The following PRR16 variants were observed in gnomAD, a reference collection of about 807,000 sequenced individuals.
PRR16 encodes proline rich 16, also known as protein Largen.
In PRR16, 6 loss-of-function variants were observed where a neutral mutation model predicts 18.2. The observed-to-expected ratio is 0.33, with a 90% CI of 0.18 to 0.65. PRR16 has a LOEUF of 0.65. PRR16 is among the 30% of genes least tolerant of loss of function. PRR16 has a pLI of 0.74. For synonymous variants in PRR16, 151 were observed against 147.8 expected (o/e 1.02, Z -0.16); for missense variants, 412 against 376.6 (o/e 1.09, Z -0.78).
At chr5:120,777,512 C>T in the PRR16 span, among the ~76,000 whole-genome samples, 6 of 152,054 alleles carry the variant, frequency 3.9e-5, no homozygotes, top group Admixed American at 3.9e-4. Flanking sequence ...TTCCTTTTTG[C>T]TCACTTTTCC....
At chr5:120,548,922 A>AAAACATTGAGACT (rs1752161150) in intron 1 of PRR16, among the ~76,000 whole-genome samples, 2 of 151,894 alleles carry the variant, frequency 1.3e-5, no homozygotes, top group Admixed American at 6.6e-5. Context: ...ACATTGAGAC[A>AAAACATTGAGACT]TGCTGAAAAT....
the PRR16 span, among the ~76,000 whole-genome samples, chr5:120,763,319 T>C: frequency 1.3e-5 from 2 of 152,156 alleles, no homozygotes; most frequent in South Asian, 2.1e-4. Context: ...CTCTTTTTTT[T>C]GTATTTTTAG....
the PRR16 span, among the ~76,000 whole-genome samples, chr5:120,785,549 ATG>A: frequency 1.5e-5 from 2 of 135,050 alleles, no homozygotes; most frequent in East Asian, 2.1e-4. Context: ...GTCTCTGTGT[ATG>A]TGTGTGTGTG....
intron 1 of PRR16, among the ~76,000 whole-genome samples, chr5:120,497,092 A>C (rs1211163906): frequency 6.6e-6 from 1 of 152,176 alleles, no homozygotes. Flanking sequence ...CAATTCTAAT[A>C]AAGTAGCTGA....
At chr5:120,727,525 C>A in the PRR16 span, among the ~76,000 whole-genome samples, 1 of 152,102 alleles carries the variant, frequency 6.6e-6, no homozygotes, top group Non-Finnish European at 1.5e-5. Flanking sequence ...CATCACCCAG[C>A]AGATACCCAT....
chr5:120,666,122 C>CTT (rs1756367103), intron 1 of PRR16, among the ~76,000 whole-genome samples: 1 of 152,178 alleles, frequency 6.6e-6, no homozygotes, highest in Non-Finnish European at 1.5e-5. Flanking sequence ...TTTGTATCCT[C>CTT]TTTTATATCA....
At chr5:120,549,376 G>A (rs1446508662) in intron 1 of PRR16, among the ~76,000 whole-genome samples, 2 of 151,978 alleles carry the variant, frequency 1.3e-5, no homozygotes, top group Admixed American at 6.6e-5. Flanking sequence ...CACACCCAGG[G>A]CCCAGGCTCC....
chr5:120,752,134 A>G, the PRR16 span, among the ~76,000 whole-genome samples: 1 of 152,092 alleles, frequency 6.6e-6, no homozygotes, highest in Non-Finnish European at 1.5e-5. Flanking sequence ...GGAGTTTGTT[A>G]CTATAGGAAG....
At chr5:120,709,302 C>T in the PRR16 span, among the ~76,000 whole-genome samples, 9 of 151,960 alleles carry the variant, frequency 5.9e-5, no homozygotes, top group South Asian at 2.1e-4. Context: ...CCACCGCACC[C>T]GGCCGCAATT....
the PRR16 span, among the ~76,000 whole-genome samples, chr5:120,787,964 C>T: frequency 6.6e-6 from 1 of 150,532 alleles, no homozygotes; most frequent in Non-Finnish European, 1.5e-5. Context: ...AAAGGTCTTA[C>T]TCTCTCTCTT....
chr5:120,512,296 G>A (rs1270219057), intron 1 of PRR16, among the ~76,000 whole-genome samples: 1 of 152,144 alleles, frequency 6.6e-6, no homozygotes, highest in African/African-American at 2.4e-5. Flanking sequence ...GCTTGAGGTT[G>A]TGAGGGCTCC....
intron 1 of PRR16, among the ~76,000 whole-genome samples, chr5:120,616,678 C>G: frequency 6.6e-6 from 1 of 152,124 alleles, no homozygotes; most frequent in Non-Finnish European, 1.5e-5. Flanking sequence ...GTCCTTAGAG[C>G]TGGTCCTAAT....
At chr5:120,555,147 G>T (rs1752369104) in intron 1 of PRR16, among the ~76,000 whole-genome samples, 1 of 151,732 alleles carries the variant, frequency 6.6e-6, no homozygotes, top group African/African-American at 2.4e-5. Context: ...GCATTCACAA[G>T]GCTATATTCT....
At chr5:120,772,061 T>A in the PRR16 span, among the ~76,000 whole-genome samples, 20 of 152,086 alleles carry the variant, frequency 1.3e-4, 2 homozygotes, top group East Asian at 3.9e-3. Context: ...CATGTATTAA[T>A]TCAAAGATTA....
At chr5:120,754,932 A>G in the PRR16 span, among the ~76,000 whole-genome samples, 3 of 151,338 alleles carry the variant, frequency 2.0e-5, no homozygotes, top group Non-Finnish European at 4.4e-5. Context: ...TTGGGAATAG[A>G]ATATCATAGA....
the PRR16 span, among the ~76,000 whole-genome samples, chr5:120,754,207 AT>A: frequency 1.4e-5 from 1 of 70,562 alleles, no homozygotes; most frequent in African/African-American, 5.1e-5. Context: ...TATATTATAA[AT>A]TATATATTAT....
At chr5:120,668,719 A>T (rs1284747105) in intron 1 of PRR16, among the ~76,000 whole-genome samples, 1 of 152,142 alleles carries the variant, frequency 6.6e-6, no homozygotes, top group Non-Finnish European at 1.5e-5. Flanking sequence ...TATGAAGGTT[A>T]GTTTGGCTGG....
At chr5:120,703,596 C>A in the PRR16 span, among the ~76,000 whole-genome samples, 2 of 152,198 alleles carry the variant, frequency 1.3e-5, no homozygotes, top group African/African-American at 4.8e-5. Context: ...AATGAACAAT[C>A]AGATGTAAAG....
At chr5:120,730,427 T>C in the PRR16 span, among the ~76,000 whole-genome samples, 2 of 152,124 alleles carry the variant, frequency 1.3e-5, no homozygotes, top group Admixed American at 1.3e-4. Flanking sequence ...GTTAGATAAA[T>C]ATGATGACTG....
Sources: gnomAD v4.1 joint callset for allele counts (sites outside exome capture counted in the v4.1 genomes callset) on GRCh38, gnomAD v4.1.1 for gene constraint, MANE v1.5 for transcripts, NCBI Gene and HGNC (gene_info 2026-07-23, HGNC 2026-07-21) for gene names.